DLG2: variants seen among roughly 807,000 people sequenced by gnomAD.
The protein encoded by DLG2 is disks large homolog 2.
A neutral mutation model predicts 132.5 loss-of-function variants in DLG2; 45 were observed. The observed-to-expected ratio is 0.34, with a 90% CI of 0.27 to 0.44. The LOEUF is 0.44. DLG2 is among the 20% of genes least tolerant of loss of function. The pLI, the probability that DLG2 is intolerant of heterozygous loss-of-function variation, is 1.00. For missense variants in DLG2, 1,045 were observed against 1,196.9 expected (o/e 0.87, Z 1.87); for synonymous variants, 424 against 419.6 (o/e 1.01, Z -0.13).
At chr11:84,399,868 C>A (rs1450380764) in intron 7 of DLG2, among the ~76,000 whole-genome samples, 1 of 152,214 alleles carries the variant, frequency 6.6e-6, no homozygotes, top group East Asian at 1.9e-4. Context: ...AACCTTTGTT[C>A]AGCACGTCTG....
intron 7 of DLG2, among the ~76,000 whole-genome samples, chr11:84,517,327 T>G (rs537089283): frequency 6.6e-5 from 10 of 151,680 alleles, no homozygotes; most frequent in Non-Finnish European, 1.3e-4. Context: ...AATTAAAAAA[T>G]GGGCAGAGGA....
At chr11:84,604,196 C>T (rs1474026454) in intron 6 of DLG2, among the ~76,000 whole-genome samples, 1 of 151,848 alleles carries the variant, frequency 6.6e-6, no homozygotes, top group Non-Finnish European at 1.5e-5. Flanking sequence ...TGAGCAGTAA[C>T]ACTGCTTAAG....
intron 6 of DLG2, among the ~76,000 whole-genome samples, chr11:84,581,912 C>CAAAAAAAA (rs780759635): frequency 3.1e-4 from 20 of 64,944 alleles, no homozygotes; most frequent in East Asian, 1.1e-3. Context: ...TCTCAAAAAC[C>CAAAAAAAA]AAAAAAAAAA....
intron 6 of DLG2, among the ~76,000 whole-genome samples, chr11:84,657,177 T>G (rs978836241): frequency 6.6e-6 from 1 of 152,114 alleles, no homozygotes; most frequent in Non-Finnish European, 1.5e-5. Flanking sequence ...GTAATAACAA[T>G]GATAATCATA....
At chr11:84,612,007 C>T (rs2099596367) in intron 6 of DLG2, among the ~76,000 whole-genome samples, 1 of 152,098 alleles carries the variant, frequency 6.6e-6, no homozygotes, top group Non-Finnish European at 1.5e-5. Context: ...AGTTTTGAGC[C>T]ATGCCAACAT....
At chr11:85,082,564 T>C (rs1188301305) in intron 6 of DLG2, among the ~76,000 whole-genome samples, 1 of 152,052 alleles carries the variant, frequency 6.6e-6, no homozygotes, top group Non-Finnish European at 1.5e-5. Flanking sequence ...ATATGAGTTC[T>C]TTAAGGGGTC....
At chr11:83,634,078 G>A (rs1397319275) in intron 18 of DLG2, among the ~76,000 whole-genome samples, 1 of 152,046 alleles carries the variant, frequency 6.6e-6, no homozygotes, top group Non-Finnish European at 1.5e-5. Flanking sequence ...GTGATGAATT[G>A]TGTAAGAAAT....
intron 15 of DLG2, among the ~76,000 whole-genome samples, chr11:83,903,201 T>C (rs1480402505): frequency 1.3e-5 from 2 of 152,136 alleles, no homozygotes; most frequent in Non-Finnish European, 1.5e-5. Context: ...TTAAATTTGA[T>C]GATCTAGTAT....
intron 4 of DLG2, among the ~76,000 whole-genome samples, chr11:85,170,756 A>C (rs1274058192): frequency 6.6e-6 from 1 of 152,168 alleles, no homozygotes; most frequent in Non-Finnish European, 1.5e-5. Flanking sequence ...CATTGCAAGA[A>C]AACAACAGGT....
chr11:84,437,471 T>A (rs1234466379), intron 7 of DLG2: 1 of 151,828 alleles, frequency 6.6e-6, no homozygotes, highest in Non-Finnish European at 1.5e-5. Context: ...AACATAGCGA[T>A]GCCAATGGAA....
chr11:83,773,947 T>C (rs577339147), intron 18 of DLG2, among the ~76,000 whole-genome samples: 1 of 152,306 alleles, frequency 6.6e-6, no homozygotes, highest in Admixed American at 6.5e-5. Context: ...TTTCTTGCCT[T>C]CTGATAAACA....
At chr11:85,169,160 G>T (rs2078668313) in intron 4 of DLG2, among the ~76,000 whole-genome samples, 2 of 152,022 alleles carry the variant, frequency 1.3e-5, no homozygotes, top group African/African-American at 2.4e-5. Context: ...AAAAATAGTT[G>T]TTGTACTGTA....
At chr11:85,143,374 G>T (rs1481186235) in intron 5 of DLG2, among the ~76,000 whole-genome samples, 1 of 151,652 alleles carries the variant, frequency 6.6e-6, no homozygotes, top group Non-Finnish European at 1.5e-5. Context: ...GAATTTCTGT[G>T]ATATCAGTTG....
intron 5 of DLG2, among the ~76,000 whole-genome samples, chr11:85,113,744 T>C (rs897443339): frequency 1.3e-5 from 2 of 152,042 alleles, no homozygotes; most frequent in Non-Finnish European, 2.9e-5. Context: ...AGAAAGTTTC[T>C]TGGATCCATC....
chr11:83,870,371 TTC>T (rs1451089365), intron 16 of DLG2, among the ~76,000 whole-genome samples: 1 of 152,212 alleles, frequency 6.6e-6, no homozygotes, highest in African/African-American at 2.4e-5. Flanking sequence ...GCATTCGTCT[TTC>T]TGTTTCTGAT....
intron 6 of DLG2, among the ~76,000 whole-genome samples, chr11:84,956,345 T>C (rs371090824): frequency 3.9e-5 from 6 of 152,328 alleles, no homozygotes; most frequent in African/African-American, 1.4e-4. Context: ...CGATCTATCC[T>C]AAACATTACA....
chr11:84,703,736 GA>G (rs1184224605), intron 6 of DLG2, among the ~76,000 whole-genome samples: 1 of 150,908 alleles, frequency 6.6e-6, no homozygotes, highest in Admixed American at 6.6e-5. Context: ...TATTCTCAGT[GA>G]AAGTGTTAAA....
At chr11:84,793,751 T>C (rs1410482413) in intron 6 of DLG2, among the ~76,000 whole-genome samples, 1 of 152,226 alleles carries the variant, frequency 6.6e-6, no homozygotes, top group East Asian at 1.9e-4. Flanking sequence ...TCCATTAGCA[T>C]GGAATATCTT....
intron 6 of DLG2, among the ~76,000 whole-genome samples, chr11:84,711,289 T>C (rs2060383984): frequency 6.9e-6 from 1 of 144,490 alleles, no homozygotes; most frequent in South Asian, 2.2e-4. Context: ...CCCCAGATAC[T>C]AGCTGCATTA....
Sources: allele counts gnomAD v4.1 joint callset (sites outside exome capture counted in the v4.1 genomes callset), GRCh38; gene constraint gnomAD v4.1.1; transcripts MANE v1.5; gene names NCBI Gene and HGNC (gene_info 2026-07-23, HGNC 2026-07-21).